PDE10A: variants seen among roughly 807,000 people sequenced by gnomAD.
PDE10A encodes cAMP and cAMP-inhibited cGMP 3',5'-cyclic phosphodiesterase 10A.
PDE10A carries 39 observed loss-of-function variants against 97.7 expected under a neutral mutation model. The ratio of observed to expected loss-of-function variants is 0.40; its 90% CI spans 0.31 to 0.52. PDE10A has a LOEUF of 0.52. Ranked by LOEUF, PDE10A falls within the 20% of genes least tolerant of loss-of-function variation. The pLI is 0.56. For synonymous variants in PDE10A, 371 were observed against 376.8 expected, an observed-to-expected ratio of 0.98 and a Z score of 0.18; for missense variants, 731 against 1,047.8, an observed-to-expected ratio of 0.70 and a Z score of 4.17.
chr6:165,447,755 T>C (rs1790975562), intron 5 of PDE10A, among the ~76,000 whole-genome samples: 1 of 152,200 alleles, frequency 6.6e-6, no homozygotes, highest in Non-Finnish European at 1.5e-5. Flanking sequence ...TAATGCAAAT[T>C]AATAAACATT....
chr6:165,478,352 T>C (rs1779410424), intron 3 of PDE10A, among the ~76,000 whole-genome samples: 1 of 152,164 alleles, frequency 6.6e-6, no homozygotes, highest in African/African-American at 2.4e-5. Context: ...GACTGTCCTC[T>C]TAGCCAAGGG....
intron 1 of PDE10A, among the ~76,000 whole-genome samples, chr6:165,836,410 A>AC (rs1268234536): frequency 2.0e-5 from 3 of 152,196 alleles, no homozygotes; most frequent in Non-Finnish European, 4.4e-5. Flanking sequence ...TGAGCTGCTA[A>AC]CCCCATGGGG....
At chr6:165,847,447 G>A (rs1274571365) in intron 1 of PDE10A, among the ~76,000 whole-genome samples, 2 of 152,252 alleles carry the variant, frequency 1.3e-5, no homozygotes, top group African/African-American at 4.8e-5. Flanking sequence ...ACGCTTCCAC[G>A]GCCAAAGTGG....
intron 1 of PDE10A, chr6:165,775,601 C>T (rs888286346): frequency 6.6e-6 from 1 of 152,124 alleles, no homozygotes; most frequent in Non-Finnish European, 1.5e-5. Context: ...GATAATGCAC[C>T]GCTTACATTT....
chr6:165,943,197 AAG>A lies in PDE10A; in HGVS notation c.-615+44330_-615+44331del, dbSNP rs758948886. 4.3e-3 allele frequency among the ~76,000 whole-genome samples: 257 copies of A among 59,608 alleles called. 6 individuals carry two copies. Among genetic ancestry groups the A allele is most frequent in the Admixed American group, 5.7e-3 (39 of 6,874 alleles). The allele number at this position is 59,608 out of a possible 152,430, so 39.1% of individuals were successfully genotyped here. ...GAAAAAAGAAAGAAAGAAAGAAAGA[AAG>A]AAAGAAAGAAAGAAAGAAAGAAAGA... On this transcript the variant is annotated intron_variant, in intron 1 of 19. Coordinates refer to the PDE10A transcript ENST00000366882.
chr6:165,339,217 T>G, intron 20 of PDE10A, 61 bp downstream of exon 20: 2 of 953,854 alleles, frequency 2.1e-6, no homozygotes, highest in Non-Finnish European at 3.4e-6. Flanking sequence ...TTATGTATGA[T>G]TTTATGCCCA....
At chr6:165,937,533 T>C (rs1165221330) in intron 1 of PDE10A, among the ~76,000 whole-genome samples, 1 of 152,244 alleles carries the variant, frequency 6.6e-6, no homozygotes, top group Non-Finnish European at 1.5e-5. Context: ...TATCACTTAA[T>C]ATTTTTACAA....
chr6:165,350,190 G>A (rs955672919), intron 18 of PDE10A, among the ~76,000 whole-genome samples: 3 of 152,194 alleles, frequency 2.0e-5, no homozygotes, highest in African/African-American at 7.2e-5. Flanking sequence ...AAGCAGCCGG[G>A]AGGGTAACTG....
chr6:165,867,561 G>A (rs544858058), intron 1 of PDE10A, among the ~76,000 whole-genome samples: 3 of 152,006 alleles, frequency 2.0e-5, no homozygotes, highest in Non-Finnish European at 4.4e-5. Context: ...GAGAGAAGTA[G>A]ACCCCAATAC....
At chr6:165,360,537 T>C (rs1163826145) in intron 18 of PDE10A, among the ~76,000 whole-genome samples, 2 of 152,180 alleles carry the variant, frequency 1.3e-5, no homozygotes, top group Admixed American at 1.3e-4. Context: ...AAAGAGTGGA[T>C]GTTGTAGGAG....
At chr6:165,602,552 A>G (rs968455201) in intron 1 of PDE10A, among the ~76,000 whole-genome samples, 2 of 152,196 alleles carry the variant, frequency 1.3e-5, no homozygotes, top group African/African-American at 4.8e-5. Context: ...TATACCATGA[A>G]GTTTCAGGGC....
intron 18 of PDE10A, among the ~76,000 whole-genome samples, chr6:165,346,350 T>A (rs1583078901): frequency 6.6e-6 from 1 of 152,138 alleles, no homozygotes; most frequent in African/African-American, 2.4e-5. Flanking sequence ...TAGAGCCAAA[T>A]GCAAATTATT....
chr6:165,978,181 C>T (rs141651492), intron 1 of PDE10A, among the ~76,000 whole-genome samples: 11 of 152,224 alleles, frequency 7.2e-5, no homozygotes, highest in South Asian at 2.1e-4. Context: ...GAGCTTTTCC[C>T]GTAAAATTCA....
At chr6:165,615,147 T>C (rs1012751946) in intron 1 of PDE10A, among the ~76,000 whole-genome samples, 2 of 146,708 alleles carry the variant, frequency 1.4e-5, no homozygotes, top group African/African-American at 2.5e-5. Flanking sequence ...GAGGCGGAGG[T>C]TGCAGTGAGC....
At chr6:165,577,646 AC>A (rs1785382129) in intron 1 of PDE10A, among the ~76,000 whole-genome samples, 1 of 152,072 alleles carries the variant, frequency 6.6e-6, no homozygotes, top group Non-Finnish European at 1.5e-5. Context: ...AGCTCCCCAC[AC>A]GTGGGCCGCC....
chr6:165,986,513 GTCTCTC>G (rs55892857), intron 1 of PDE10A: 1,557 of 146,042 alleles, frequency 0.011, 11 homozygotes, highest in African/African-American at 0.028. Context: ...CTCTCTCTCT[GTCTCTC>G]TCTCTCTCTC....
intron 1 of PDE10A, chr6:165,894,425 C>T: frequency 2.2e-6 from 1 of 455,974 alleles, no homozygotes; most frequent in Non-Finnish European, 4.4e-6. Flanking sequence ...AGATATAAGT[C>T]AAGGCCTGCA....
intron 1 of PDE10A, among the ~76,000 whole-genome samples, chr6:165,903,378 T>C (rs968831942): frequency 6.6e-6 from 1 of 152,192 alleles, no homozygotes; most frequent in Admixed American, 6.5e-5. Flanking sequence ...AGTAGATGAA[T>C]ATAGGATTCA....
chr6:165,416,098 C>A lies in PDE10A; in HGVS notation c.1889+91G>T, dbSNP rs747646401. The A allele has an allele frequency of 1.4e-5, 11 of 807,618 alleles. 1 individual carries two copies. In the South Asian group the frequency reaches 1.6e-4, roughly 12 times the overall value. 50.0% of individuals were successfully genotyped at this position (807,618 alleles called of 1,614,324 possible). On this transcript the variant is annotated intron_variant, in intron 12 of 21. Coordinates refer to ENST00000539869, the MANE Select transcript of PDE10A (RefSeq NM_001385079.1). ...TAAGGAAGAAAGAACTGAATTGGGA[C>A]GTGGAGAACTCAGGCTCCACGGAAG...
Sources: gnomAD v4.1 joint callset for allele counts (sites outside exome capture counted in the v4.1 genomes callset) on GRCh38, gnomAD v4.1.1 for gene constraint, MANE v1.5 for transcripts, NCBI Gene and HGNC (gene_info 2026-07-23, HGNC 2026-07-21) for gene names.